The following ARV1 variants were observed in gnomAD, a reference collection of about 807,000 sequenced individuals.
ARV1 encodes ARV1 fatty acid homeostasis modulator.
ARV1 carries 26 observed loss-of-function variants against 31.1 expected under a neutral mutation model. The ratio of observed to expected loss-of-function variants is 0.84; its 90% CI spans 0.61 to 1.16. The LOEUF is 1.16. Among genes scored for constraint, ARV1 ranks in the 50% most tolerant of loss-of-function variants. The probability of loss-of-function intolerance (pLI) is 0.00; values close to 1 mark genes in which losing one functional copy is unlikely to be tolerated. For synonymous variants in ARV1, 117 were observed against 123.2 expected, an observed-to-expected ratio of 0.95 and a Z score of 0.34; for missense variants, 281 against 324.9, an observed-to-expected ratio of 0.86 and a Z score of 1.04.
Position 230,995,890 on chromosome 1 carries a change from G to T in ARV1, c.579G>T (p.Leu193=). 1 of 1,614,050 alleles carries T rather than the reference G, an allele frequency of 6.2e-7. No homozygotes were observed. The change falls in exon 4 of 6, where the codon CTG becomes CTT. Residue 193 remains leucine (L), a synonymous_variant. Transcript: ENST00000310256. ...TATCTAGCTACGGAAAACTCTTGCT[G>T]ATTCCAGCTGTCATTTGGGAACATG... ...LLLSSYGKLL[L]IPAVIWEHDY...
Position 230,996,690 on chromosome 1 carries a change from CATCCCAAAG to C in ARV1, c.674-430_674-422del, listed in dbSNP as rs1425146717. ...GGCTCGAGCAGTCTGTCCACCTTGG[CATCCCAAAG>C]TGCTGGGAACAAGCATGAGCCGCTG... is the stretch of plus-strand genomic sequence containing the variant. On this transcript the variant is annotated intron_variant, in intron 4 of 5. Coordinates refer to ENST00000310256, the MANE Select transcript of ARV1 (RefSeq NM_022786.3). 3.3e-5 allele frequency among the ~76,000 whole-genome samples: 5 copies of C among 152,272 alleles called. No homozygotes were observed. The East Asian group carries it at 9.6e-4, about 29-fold the overall frequency.
At chr1:230,982,089 A>G (rs961218677) in intron 1 of ARV1, among the ~76,000 whole-genome samples, 2 of 152,264 alleles carry the variant, frequency 1.3e-5, no homozygotes, top group African/African-American at 2.4e-5. Flanking sequence ...AAGCTACACA[A>G]GGACAGACAT....
In ARV1 at chr1:230,997,178, T is replaced by C; in HGVS notation, c.731T>C (p.Leu244Pro). 6.2e-7 allele frequency: 1 copy of C among 1,614,070 alleles called. No homozygotes were observed. The change falls in exon 5 of 6, where the codon CTG (leucine) becomes CCG (proline). Residue 244 changes from leucine to proline, a missense_variant. Leu to Pro is a moderately conservative substitution (Grantham distance 98). Coordinates refer to ENST00000310256, the MANE Select transcript of ARV1 (RefSeq NM_022786.3). Reference protein sequence around the residue: ...SFLAVLSGLLLESIMVYFFQS... With the variant: ...SFLAVLSGLLPESIMVYFFQS... ...TTGGCCGTGTTGAGTGGCTTACTGC[T>C]GGAAAGCATCATGGTCTACTTCTTC...
At chr1:230,981,767 T>TATA (rs1301901704) in intron 1 of ARV1, among the ~76,000 whole-genome samples, 5 of 152,192 alleles carry the variant, frequency 3.3e-5, no homozygotes, top group Admixed American at 2.0e-4. Context: ...AACTGGCTTA[T>TATA]AAGGCCCTAT....
intron 1 of ARV1, among the ~76,000 whole-genome samples, chr1:230,984,343 CGTGTGTGTGTGTGTGTGTGCGTGT>C (rs1052774800): frequency 1.1e-4 from 13 of 119,322 alleles, no homozygotes; most frequent in East Asian, 1.0e-3. Flanking sequence ...TTGTTTGTTT[CGTGTGTGTGTGTGTGTGTGCGTGT>C]GTGTGTGTGT....
chr1:230,989,992 T>C lies in ARV1; in HGVS notation c.295-118T>C, dbSNP rs1006410681. On this transcript the variant is annotated intron_variant, in intron 2 of 5. Transcript: ENST00000310256. The stretch of plus-strand genomic sequence containing the variant: ...AAATGACTACAATTAGCCACTTAAT[T>C]GGGCAGTCCTGAATTTGAAAAGTGA... The C allele has an allele frequency of 1.1e-5, 11 of 1,017,420 alleles. No homozygotes were observed. In the Admixed American group the frequency reaches 2.8e-4, roughly 26 times the overall value. 63.0% of individuals were successfully genotyped at this position (1,017,420 alleles called of 1,614,324 possible).
At chr1:230,995,368 C>T (rs1370021416) in intron 3 of ARV1, among the ~76,000 whole-genome samples, 3 of 152,166 alleles carry the variant, frequency 2.0e-5, no homozygotes, top group African/African-American at 7.2e-5. Flanking sequence ...CCCATTCTTA[C>T]GATAGGTCCC....
At chr1:230,998,313 C>T (rs1679428698) in intron 5 of ARV1, among the ~76,000 whole-genome samples, 1 of 152,314 alleles carries the variant, frequency 6.6e-6, no homozygotes, top group Admixed American at 6.5e-5. Context: ...TCCCTCCTCG[C>T]TGTTACATCC....
intron 3 of ARV1, among the ~76,000 whole-genome samples, chr1:230,993,073 C>A (rs1679268831): frequency 1.3e-5 from 2 of 152,106 alleles, no homozygotes; most frequent in South Asian, 2.1e-4. Flanking sequence ...TAAAGCAAAG[C>A]CTCTTAAAAA....
intron 2 of ARV1, among the ~76,000 whole-genome samples, chr1:230,989,663 C>A (rs1433117431): frequency 1.3e-5 from 2 of 152,144 alleles, no homozygotes; most frequent in Non-Finnish European, 2.9e-5. Flanking sequence ...ATCATGGAAT[C>A]TTCAGATTAA....
At chr1:230,991,761 A>C (rs1679234194) in intron 3 of ARV1, among the ~76,000 whole-genome samples, 1 of 151,700 alleles carries the variant, frequency 6.6e-6, no homozygotes, top group South Asian at 2.1e-4. Context: ...CCTCCCGAGT[A>C]GCTGGGATTA....
chr1:230,982,518 A>C (rs6419490), intron 1 of ARV1, among the ~76,000 whole-genome samples: 143,713 of 152,286 alleles, frequency 0.94, 67,833 homozygotes, highest in East Asian at 0.96. Context: ...ACATTCACTT[A>C]CCCCCTCCCC....
intron 1 of ARV1, among the ~76,000 whole-genome samples, chr1:230,984,359 T>TGTGTGTGTGTGCGC (rs71179756): frequency 0.012 from 1,106 of 93,498 alleles, 4 homozygotes; most frequent in East Asian, 0.023. Context: ...TGTGTGTGTG[T>TGTGTGTGTGTGCGC]GTGCGTGTGT....
rs1180561413 is a variant in ARV1, at chr1:230,979,658, A to AAGG, written c.174+379_174+380insAGG. 2.5e-5 allele frequency: 6 copies of AAGG among 239,012 alleles called. 1 individual carries two copies. In the East Asian group the frequency reaches 9.8e-4, roughly 39 times the overall value. The allele number at this position is 239,012 out of a possible 1,614,324, so 14.8% of individuals were successfully genotyped here. A position where few individuals can be genotyped will look rare whatever the true frequency, so the allele number is the denominator to read the frequency against. On this transcript the variant is annotated intron_variant, in intron 1 of 5. Transcript: ENST00000310256. ...CCTTACCCTCCACAACCCATGTTGA[A>AAGG]TTCACCTACGATGCTTTTTAAAGGT...
rs1461195352 is a variant in ARV1 at position 230,996,701 on chromosome 1, G to T, written c.674-420G>T. On this transcript the variant is annotated intron_variant, in intron 4 of 5. Coordinates refer to ENST00000310256, the MANE Select transcript of ARV1 (RefSeq NM_022786.3). The stretch of plus-strand genomic sequence containing the variant: ...TCTGTCCACCTTGGCATCCCAAAGT[G>T]CTGGGAACAAGCATGAGCCGCTGTG... Among the ~76,000 whole-genome samples, 5 of 152,228 alleles carry T rather than the reference G, an allele frequency of 3.3e-5. No homozygotes were observed. The East Asian group carries it at 9.7e-4, about 29-fold the overall frequency.
intron 4 of ARV1, 143 bp downstream of exon 4, chr1:230,996,127 C>G: frequency 4.7e-6 from 3 of 643,714 alleles, no homozygotes; most frequent in Non-Finnish European, 8.0e-6. Flanking sequence ...ACTTCTATAG[C>G]ACCTTATACA....
Position 230,995,923 on chromosome 1 carries a change from A to G in ARV1, c.612A>G (p.Thr204=), listed in dbSNP as rs1679350497. 1.9e-6 allele frequency: 3 copies of G among 1,614,108 alleles called. No homozygotes were observed. Among genetic ancestry groups the G allele is most frequent in the Non-Finnish European group, 2.5e-6 (3 of 1,180,022 alleles). Reference sequence around the variant, plus strand: ...CTGTCATTTGGGAACATGACTACACATCTGTGTGCCTCAAACTCATTAAAG... The same window carrying G: ...CTGTCATTTGGGAACATGACTACACGTCTGTGTGCCTCAAACTCATTAAAG... The part of the protein sequence containing the change: ...IPAVIWEHDY[T]SVCLKLIKVF... Residue 204 remains threonine, a synonymous_variant, in exon 4 of 6, where the codon ACA becomes ACG. Transcript: ENST00000310256.
chr1:230,980,017 T>C (rs1678811964), intron 1 of ARV1, among the ~76,000 whole-genome samples: 1 of 152,222 alleles, frequency 6.6e-6, no homozygotes, highest in East Asian at 1.9e-4. Context: ...TTTTGTCCCA[T>C]TTCAGATCTT....
At position 230,996,829 on chromosome 1, in the gene ARV1, G is replaced by T. The variant is rs111252290; in HGVS notation, c.674-292G>T. 6.1e-3 allele frequency among the ~76,000 whole-genome samples: 934 copies of T among 152,188 alleles called. 7 individuals are homozygous for T. Among genetic ancestry groups the T allele is most frequent in the African/African-American group, 0.021 (875 of 41,522 alleles). ...ACACTGAAAGTATCATTTTGTTGTT[G>T]TTGTCGTTATTCTCTTATAGCGTTA... On this transcript the variant is annotated intron_variant, in intron 4 of 5. Coordinates refer to ENST00000310256, the MANE Select transcript of ARV1 (RefSeq NM_022786.3).
Sources: allele counts gnomAD v4.1 joint callset (sites outside exome capture counted in the v4.1 genomes callset), GRCh38; gene constraint gnomAD v4.1.1; transcripts MANE v1.5; gene names NCBI Gene and HGNC (gene_info 2026-07-23, HGNC 2026-07-21).